SORBS2: variants seen among roughly 807,000 people sequenced by gnomAD.
The protein encoded by SORBS2 is sorbin and SH3 domain containing 2.
A neutral mutation model predicts 97.7 loss-of-function variants in SORBS2; 46 were observed. The ratio of observed to expected loss-of-function variants is 0.47; its 90% confidence interval spans 0.37 to 0.60. SORBS2 has a LOEUF of 0.60. SORBS2 is among the 20% of genes least tolerant of loss of function. SORBS2 has a pLI of 0.00. For missense variants in SORBS2, 1,316 were observed against 1,282.3 expected (o/e 1.03, Z -0.40); for synonymous variants, 476 against 473.4 (o/e 1.01, Z -0.07).
At chr4:185,903,741 A>G (rs891300317) in intron 1 of SORBS2, among the ~76,000 whole-genome samples, 6 of 152,202 alleles carry the variant, frequency 3.9e-5, no homozygotes, top group African/African-American at 1.4e-4. Flanking sequence ...GGACCCTGTG[A>G]TGATCTTTCC....
At position 185,897,726 on chromosome 4, in the gene SORBS2, G is replaced by A. The variant is rs533776743; in HGVS notation, c.-338+58470C>T. On this transcript the variant is annotated intron_variant, in intron 1 of 20. Transcript: ENST00000284776. ...AGATGGCTAAGGTTCAAACCAGCAC[G>A]AGAGGGCGTTCAAAAAGCTAAGGAG... is the stretch of plus-strand genomic sequence containing the variant. Among the ~76,000 whole-genome samples, 25 of 152,230 alleles carry A rather than the reference G, an allele frequency of 1.6e-4. No homozygotes were observed. In the East Asian group the frequency reaches 3.9e-3, roughly 24 times the overall value.
At chr4:185,904,209 C>T (rs1280271822) in intron 1 of SORBS2, among the ~76,000 whole-genome samples, 2 of 152,124 alleles carry the variant, frequency 1.3e-5, no homozygotes, top group East Asian at 3.8e-4. Context: ...AAAAGACCTG[C>T]CTAATGTCTA....
chr4:185,827,216 T>G (rs923885331), intron 1 of SORBS2, among the ~76,000 whole-genome samples: 90 of 110,272 alleles, frequency 8.2e-4, no homozygotes, highest in African/African-American at 3.1e-3. Context: ...ATCATCACCA[T>G]CATCACCATC....
intron 1 of SORBS2, among the ~76,000 whole-genome samples, chr4:185,808,520 T>C (rs1200064799): frequency 6.6e-6 from 1 of 152,190 alleles, no homozygotes; most frequent in Non-Finnish European, 1.5e-5. Context: ...TTATCTAATA[T>C]AGAACAGAGG....
At chr4:185,754,102 G>T (rs1183916045) in intron 2 of SORBS2, among the ~76,000 whole-genome samples, 1 of 151,870 alleles carries the variant, frequency 6.6e-6, no homozygotes, top group Non-Finnish European at 1.5e-5. Context: ...TACACACCAT[G>T]GAATACCATG....
chr4:185,666,102 T>A, intron 4 of SORBS2: 1 of 1,289,742 alleles, frequency 7.8e-7, no homozygotes, highest in Non-Finnish European at 1.0e-6. Flanking sequence ...GGTTCAAAGG[T>A]ACCACGGAAG....
rs531650868 is a variant in SORBS2, at chr4:185,777,930, T to C, written c.-337-2564A>G. Among the ~76,000 whole-genome samples, 12 of 152,322 alleles carry C rather than the reference T, an allele frequency of 7.9e-5. No homozygotes were observed. The East Asian group carries it at 1.9e-3, about 24-fold the overall frequency. On this transcript the variant is annotated intron_variant, in intron 1 of 20. Transcript: ENST00000284776. Reference sequence around the variant, plus strand: ...ATTCTCCTTGTACCCCACAAATTTGTACAAATAAAAATAGATTAATGTTGT... The same window carrying C: ...ATTCTCCTTGTACCCCACAAATTTGCACAAATAAAAATAGATTAATGTTGT...
At chr4:185,880,297 C>T (rs951036109) in intron 1 of SORBS2, among the ~76,000 whole-genome samples, 10 of 152,188 alleles carry the variant, frequency 6.6e-5, no homozygotes, top group African/African-American at 2.4e-4. Flanking sequence ...TTTTGTTATG[C>T]TGGCTTCTGG....
At chr4:185,780,379 A>C (rs1194295253) in intron 1 of SORBS2, among the ~76,000 whole-genome samples, 1 of 152,184 alleles carries the variant, frequency 6.6e-6, no homozygotes, top group African/African-American at 2.4e-5. Flanking sequence ...ATATGCAAGA[A>C]AAATAAGGAT....
At chr4:185,836,210 T>C (rs2153675294) in intron 1 of SORBS2, among the ~76,000 whole-genome samples, 1 of 152,280 alleles carries the variant, frequency 6.6e-6, no homozygotes, top group South Asian at 2.1e-4. Context: ...TGGAGCGTTT[T>C]ACAGAAGCAG....
chr4:185,633,499 A>T (rs907072301), intron 4 of SORBS2, among the ~76,000 whole-genome samples: 8 of 151,492 alleles, frequency 5.3e-5, no homozygotes, highest in Non-Finnish European at 1.0e-4. Flanking sequence ...CTACCATCAC[A>T]TAATAGAATG....
At chr4:185,879,646 A>C (rs2099235879) in intron 1 of SORBS2, among the ~76,000 whole-genome samples, 1 of 152,136 alleles carries the variant, frequency 6.6e-6, no homozygotes, top group Non-Finnish European at 1.5e-5. Flanking sequence ...ACAGTGTAAA[A>C]GTGTTCCTAT....
intron 2 of SORBS2, among the ~76,000 whole-genome samples, chr4:185,681,033 G>C (rs1315134725): frequency 6.6e-6 from 1 of 152,076 alleles, no homozygotes; most frequent in African/African-American, 2.4e-5. Flanking sequence ...GTCTTGCATC[G>C]CACAGTGGAC....
intron 5 of SORBS2, among the ~76,000 whole-genome samples, chr4:185,629,162 C>T (rs967732374): frequency 1.2e-4 from 18 of 152,206 alleles, no homozygotes; most frequent in East Asian, 5.8e-4. Context: ...CGGAAGCAAG[C>T]GGAGAGGCAG....
intron 1 of SORBS2, among the ~76,000 whole-genome samples, chr4:185,778,551 T>C (rs1422552177): frequency 6.6e-6 from 1 of 152,054 alleles, no homozygotes; most frequent in Admixed American, 6.5e-5. Context: ...AGAAATGATA[T>C]GAAGTAGTGT....
At chr4:185,776,139 G>A (rs1239945469) in intron 1 of SORBS2, among the ~76,000 whole-genome samples, 2 of 152,198 alleles carry the variant, frequency 1.3e-5, no homozygotes, top group Non-Finnish European at 1.5e-5. Flanking sequence ...TATTTATTTG[G>A]TGAGCACTTC....
At chr4:185,698,213 C>T (rs949982183) in intron 2 of SORBS2, among the ~76,000 whole-genome samples, 1 of 152,196 alleles carries the variant, frequency 6.6e-6, no homozygotes, top group African/African-American at 2.4e-5. Context: ...CAGTGGCTCA[C>T]GCCTGTAATC....
At chr4:185,761,492 T>C (rs926210616) in intron 2 of SORBS2, 9 of 152,254 alleles carry the variant, frequency 5.9e-5, no homozygotes, top group African/African-American at 2.2e-4. Context: ...TTAGAGTGGA[T>C]GTTCAGGGCG....
intron 1 of SORBS2, among the ~76,000 whole-genome samples, chr4:185,851,800 C>G (rs1401490174): frequency 6.6e-6 from 1 of 152,120 alleles, no homozygotes. Flanking sequence ...TGCTTCCTGC[C>G]CTCGAACATC....
Sources: gnomAD v4.1 joint callset for allele counts (sites outside exome capture counted in the v4.1 genomes callset) on GRCh38, gnomAD v4.1.1 for gene constraint, MANE v1.5 for transcripts, NCBI Gene and HGNC (gene_info 2026-07-23, HGNC 2026-07-21) for gene names.